PIEZO2: variants seen among roughly 807,000 people sequenced by gnomAD.
PIEZO2 encodes piezo-type mechanosensitive ion channel component 2.
PIEZO2 carries 172 observed loss-of-function variants against 337.3 expected under a neutral mutation model. The ratio of observed to expected loss-of-function variants is 0.51; its 90% confidence interval spans 0.45 to 0.58. PIEZO2 has a LOEUF of 0.58. PIEZO2 is among the 20% of genes least tolerant of loss of function. The pLI is 0.00. For missense variants in PIEZO2, 3,028 were observed against 3,391.3 expected, an observed-to-expected ratio of 0.89 and a Z score of 2.66; for synonymous variants, 1,251 against 1,228.5, an observed-to-expected ratio of 1.02 and a Z score of -0.38.
intron 40 of PIEZO2, 122 bp from the exon 41 acceptor site, chr18:10,705,868 T>G: frequency 2.5e-6 from 3 of 1,189,790 alleles, no homozygotes; most frequent in Non-Finnish European, 3.4e-6. Context: ...CCCCCCTGCA[T>G]TCCATCTGCT....
chr18:10,707,342 C>T lies in PIEZO2; in HGVS notation c.5588+933G>A, dbSNP rs1458531067. ...TACCTTCAGAGGTCAAGAAAATGGA[C>T]TGGCATGGCAGGCACATGCCCGCCA... On this transcript the variant is annotated intron_variant, in intron 40 of 55. Transcript: ENST00000674853. This position sits in a 1 kb window ranked among gnomAD's most constrained non-coding sequence, Gnocchi z 4.2. 1.3e-5 allele frequency among the ~76,000 whole-genome samples: 2 copies of T among 152,108 alleles called. No individual in the cohort carries two copies. The highest frequency in any genetic ancestry group is 2.9e-5 in the Non-Finnish European group (2 of 68,032).
In PIEZO2 at chr18:10,696,170, A is replaced by G. The variant is rs1451060561; in HGVS notation, c.7094T>C (p.Leu2365Pro). ...GTMVVDRALYLRKTVLGKVIF... is the reference protein window; with the variant it reads ...GTMVVDRALYPRKTVLGKVIF... ...GACCTTTCCCAGTACAGTCTTCCTGAGGTAGAGGGCTCGGTCCACCACCAT... is the reference window on the plus strand; with the variant it reads ...GACCTTTCCCAGTACAGTCTTCCTGGGGTAGAGGGCTCGGTCCACCACCAT... Residue 2365 changes from leucine to proline, a missense_variant, in exon 47 of 56, where the codon CTC becomes CCC. Transcript: ENST00000674853. 2 of 1,613,952 alleles carry G rather than the reference A, an allele frequency of 1.2e-6. No individual in the cohort carries two copies. Among genetic ancestry groups the G allele is most frequent in the Non-Finnish European group, 1.7e-6 (2 of 1,179,842 alleles).
chr18:10,766,246 G>A lies in PIEZO2; in HGVS notation c.2947-3148C>T, dbSNP rs1250820146. Among the ~76,000 whole-genome samples the A allele has an allele frequency of 2.0e-5, 1 of 50,798 alleles. No individual in the cohort carries two copies. Among genetic ancestry groups the A allele is most frequent in the African/African-American group, 9.1e-5 (1 of 11,048 alleles). The allele number at this position is 50,798 out of a possible 152,430, so 33.3% of individuals were successfully genotyped here. Reference sequence around the variant, plus strand: ...AAGGAGGAACAGGAGGAGGAGGAGGGATAAGGAAGAAGAAGAGGAAGGAGA... The same window carrying A: ...AAGGAGGAACAGGAGGAGGAGGAGGAATAAGGAAGAAGAAGAGGAAGGAGA... On this transcript the variant is annotated intron_variant, in intron 21 of 55. Transcript: ENST00000674853. This position sits in a 1 kb window ranked among gnomAD's most constrained non-coding sequence, Gnocchi z 6.1.
chr18:10,809,096 C>T (rs998461702), intron 7 of PIEZO2, among the ~76,000 whole-genome samples: 1 of 152,094 alleles, frequency 6.6e-6, no homozygotes, highest in African/African-American at 2.4e-5. Context: ...TTGCACATTC[C>T]TACACTAACA....
Position 10,770,256 on chromosome 18 carries a change from T to G in PIEZO2, c.2838A>C (p.Leu946Phe). 6.5e-7 allele frequency: 1 copy of G among 1,537,724 alleles called. No homozygotes were observed. Among genetic ancestry groups the G allele is most frequent in the South Asian group, 1.2e-5 (1 of 84,058 alleles). Residue 946 changes from leucine (L) to phenylalanine (F), a missense_variant, in exon 21 of 56, where the codon TTA becomes TTC. This residue lies in a region of PIEZO2 where 1,925 missense variants were observed against 2,051.9 expected (regional missense o/e 0.94). Transcript: ENST00000674853. ...LVIDRLTVLF[L>F]KFLEYFHKLQ... Reference sequence around the variant, plus strand: ...GCTTGTGAAAATACTCCAGGAATTTTAAGAAGAGCACAGTGAGGCGGTCAA... The same window carrying G: ...GCTTGTGAAAATACTCCAGGAATTTGAAGAAGAGCACAGTGAGGCGGTCAA...
At position 10,979,950 on chromosome 18, in the gene PIEZO2, C is replaced by A. The variant is rs5022001; in HGVS notation, c.161-290G>T. On this transcript the variant is annotated intron_variant, in intron 2 of 55. Coordinates refer to ENST00000674853, the MANE Select transcript of PIEZO2 (RefSeq NM_001378183.1). This position sits in a 1 kb window ranked among gnomAD's most constrained non-coding sequence, Gnocchi z 4.0. The stretch of plus-strand genomic sequence containing the variant: ...ACTACAAAAAGGTCCTGGACCAAAA[C>A]ATTTTACAAGGAAGTGCTGCCAACT... 0.055 allele frequency among the ~76,000 whole-genome samples: 8,379 copies of A among 152,198 alleles called. 502 individuals carry two copies. The highest frequency in any genetic ancestry group is 0.15 in the African/African-American group (6,107 of 41,508).
intron 3 of PIEZO2, among the ~76,000 whole-genome samples, chr18:10,918,710 C>T (rs1401848393): frequency 6.6e-6 from 1 of 152,000 alleles, no homozygotes; most frequent in Non-Finnish European, 1.5e-5. Context: ...CCAGCACATA[C>T]AAAATACAAC....
Position 10,714,886 on chromosome 18 carries a change from G to A in PIEZO2, c.5301C>T (p.Asn1767=), listed in dbSNP as rs1406198642. Residue 1767 remains asparagine, a synonymous_variant, in exon 39 of 56, where the codon AAC becomes AAT. Coordinates refer to ENST00000674853, the MANE Select transcript of PIEZO2 (RefSeq NM_001378183.1). ...TRESIHMYYQ[N]HIMNLSRESG... is the part of the protein sequence containing the mutation. The stretch of plus-strand genomic sequence containing the variant: ...ACTCTCTGGAAAGGTTCATGATGTG[G>A]TTCTGATAGTACATGTGGATGCTCT... The A allele has an allele frequency of 2.0e-6, 3 of 1,537,234 alleles. No individual in the cohort carries two copies. The highest frequency in any genetic ancestry group is 3.9e-5 in the Admixed American group (2 of 51,012).
rs1355784429 is a variant in PIEZO2 at position 10,766,633 on chromosome 18, C to T, written c.2946+3515G>A. 6.6e-6 allele frequency among the ~76,000 whole-genome samples: 1 copy of T among 152,192 alleles called. No individual in the cohort carries two copies. Among genetic ancestry groups the T allele is most frequent in the African/African-American group, 2.4e-5 (1 of 41,442 alleles). On this transcript the variant is annotated intron_variant, in intron 21 of 55. Coordinates refer to ENST00000674853, the MANE Select transcript of PIEZO2 (RefSeq NM_001378183.1). This position sits in a 1 kb window ranked among gnomAD's most constrained non-coding sequence, Gnocchi z 6.1. ...GCACTTACCCATCCCTGGCTTCCCT[C>T]TCCCAGAGAACCCCAGTTGCAACTA...
intron 49 of PIEZO2, among the ~76,000 whole-genome samples, chr18:10,684,483 T>C (rs1313168687): frequency 1.0e-5 from 1 of 99,810 alleles, no homozygotes; most frequent in Non-Finnish European, 1.9e-5. Flanking sequence ...TTTTTTTTTT[T>C]CTTGATGGAG....
In PIEZO2 at chr18:10,677,625, A is replaced by G. The variant is rs2034068786; in HGVS notation, c.8081+122T>C. 2 of 1,259,808 alleles carry G rather than the reference A, an allele frequency of 1.6e-6. No homozygotes were observed. Among genetic ancestry groups the G allele is most frequent in the African/African-American group, 1.5e-5 (1 of 65,362 alleles). 78.0% of individuals were successfully genotyped at this position (1,259,808 alleles called of 1,614,324 possible). ...TGCAAAATGGGGCCTCCAAATAGAA[A>G]TTAACTTTGTGTTACCAAAGAATGA... On this transcript the variant is annotated intron_variant, in intron 53 of 55. Coordinates refer to ENST00000674853, the MANE Select transcript of PIEZO2 (RefSeq NM_001378183.1). This position sits in a 1 kb window ranked among gnomAD's most constrained non-coding sequence, Gnocchi z 4.1.
chr18:10,801,542 G>T, intron 9 of PIEZO2, 114 bp from the exon 10 acceptor site: 1 of 901,514 alleles, frequency 1.1e-6, no homozygotes, highest in Non-Finnish European at 1.7e-6. Flanking sequence ...CTTGCTGATT[G>T]CTAGTATATT....
intron 1 of PIEZO2, among the ~76,000 whole-genome samples, chr18:11,121,437 C>T (rs774953073): frequency 2.8e-4 from 43 of 151,988 alleles, no homozygotes; most frequent in Admixed American, 6.5e-4. Flanking sequence ...GTGGTGGTGC[C>T]CAACTGTAGT....
At chr18:10,674,172 A>C (rs776918534) in intron 54 of PIEZO2, among the ~76,000 whole-genome samples, 1 of 152,218 alleles carries the variant, frequency 6.6e-6, no homozygotes, top group Non-Finnish European at 1.5e-5. Flanking sequence ...CCCAGAACAC[A>C]CAGGAACAGG....
In PIEZO2 at chr18:10,773,689, G is replaced by A. The variant is rs1010034442; in HGVS notation, c.2568-60C>T. On this transcript the variant is annotated intron_variant, in intron 19 of 55. Coordinates refer to ENST00000674853, the MANE Select transcript of PIEZO2 (RefSeq NM_001378183.1). This position sits in a 1 kb window ranked among gnomAD's most constrained non-coding sequence, Gnocchi z 5.3. ...AGGGTGTTGGGAGAGATTTGACTGAGGGGCAAGTAAAAGGAGGATAAACAC... is the reference window on the plus strand; with the variant it reads ...AGGGTGTTGGGAGAGATTTGACTGAAGGGCAAGTAAAAGGAGGATAAACAC... 1.4e-6 allele frequency: 2 copies of A among 1,458,686 alleles called. No individual in the cohort carries two copies. The highest frequency in any genetic ancestry group is 1.9e-6 in the Non-Finnish European group (2 of 1,077,042). 90.4% of individuals were successfully genotyped at this position (1,458,686 alleles called of 1,614,324 possible).
In PIEZO2 at chr18:10,847,941, G is replaced by C. The variant is rs1002244385; in HGVS notation, c.917+7412C>G. Among the ~76,000 whole-genome samples, 1 of 152,128 alleles carries C rather than the reference G, an allele frequency of 6.6e-6. No individual in the cohort carries two copies. Among genetic ancestry groups the C allele is most frequent in the Admixed American group, 6.5e-5 (1 of 15,272 alleles). ...TTGCATTCCTTAGCATTATAATAAC[G>C]TGCTTTACATTTGTTTTTCTCCACA... On this transcript the variant is annotated intron_variant, in intron 7 of 55. Transcript: ENST00000674853. This position sits in a 1 kb window ranked among gnomAD's most constrained non-coding sequence, Gnocchi z 5.7.
intron 3 of PIEZO2, among the ~76,000 whole-genome samples, chr18:10,923,810 G>T (rs264272): frequency 0.5 from 75,820 of 151,604 alleles, 19,079 homozygotes; most frequent in South Asian, 0.66. Flanking sequence ...TTCAACTCTT[G>T]CAGCAAATTA....
intron 2 of PIEZO2, among the ~76,000 whole-genome samples, chr18:11,006,432 C>T (rs2035723068): frequency 6.6e-6 from 1 of 152,104 alleles, no homozygotes; most frequent in Non-Finnish European, 1.5e-5. Flanking sequence ...TCTTAGGGAA[C>T]ACAATGTAAA....
At position 10,677,757 on chromosome 18, in the gene PIEZO2, T is replaced by C; in HGVS notation, c.8071A>G (p.Lys2691Glu). Residue 2691 changes from lysine to glutamate, a missense_variant, in exon 53 of 56, where the codon AAA (lysine) becomes GAA (glutamate). By Grantham distance (56) the Lys-to-Glu change is moderately conservative. Around this residue, in one of 5 missense-constraint regions of PIEZO2, gnomAD observed 332 missense variants for 363.8 expected, o/e 0.91. Transcript: ENST00000674853. The surrounding 1 kb of genome is among the most constrained non-coding windows in gnomAD (Gnocchi z 4.1). ...MIAGNSTESS[K>E]TPVTIEKIYP... ...AAAAAATACACTTACACTGGTGTTTTTGAACTTTCTGTGCTGTTGCCTGCT... is the reference window on the plus strand; with the variant it reads ...AAAAAATACACTTACACTGGTGTTTCTGAACTTTCTGTGCTGTTGCCTGCT... 7 of 1,609,206 alleles carry C rather than the reference T, an allele frequency of 4.3e-6. No homozygotes were observed. The highest frequency in any genetic ancestry group is 5.9e-6 in the Non-Finnish European group (7 of 1,178,930).
Sources: gnomAD v4.1 joint callset for allele counts (sites outside exome capture counted in the v4.1 genomes callset) on GRCh38, gnomAD v4.1.1 for gene constraint, gnomAD v4.1.1 regional missense constraint, Gnocchi (gnomAD v3.1) non-coding constraint, MANE v1.5 for transcripts, NCBI Gene and HGNC (gene_info 2026-07-23, HGNC 2026-07-21) for gene names.